The following TOX3 variants were observed in gnomAD, a reference collection of about 807,000 sequenced individuals.
The protein encoded by TOX3 is TOX high mobility group box family member 3.
In TOX3, 22 loss-of-function variants were observed where a neutral mutation model predicts 64.3. That is an observed-to-expected ratio of 0.34 (90% CI 0.24 to 0.49). The LOEUF (loss-of-function observed/expected upper bound fraction) is 0.49, where lower values mean the gene tolerates loss of function less well. Ranked by LOEUF, TOX3 falls within the 20% of genes least tolerant of loss-of-function variation. The pLI, the probability that TOX3 is intolerant of heterozygous loss-of-function variation, is 0.99. For synonymous variants in TOX3, 291 were observed against 273.6 expected, an observed-to-expected ratio of 1.06 and a Z score of -0.63; for missense variants, 661 against 714.4, an observed-to-expected ratio of 0.93 and a Z score of 0.85.
chr16:52,546,802 C>A lies in TOX3; in HGVS notation c.-79G>T. 7.3e-7 allele frequency: 1 copy of A among 1,361,250 alleles called. No individual in the cohort carries two copies. Among genetic ancestry groups the A allele is most frequent in the South Asian group, 1.7e-5 (1 of 57,328 alleles). 84.3% of individuals were successfully genotyped at this position (1,361,250 alleles called of 1,614,324 possible). On this transcript the variant is annotated 5_prime_UTR_variant, in exon 1 of 7. Transcript: ENST00000219746. ...ACCCGCCTCCTCGCCGCCGCTAGAT[C>A]CACCGTCGAGGGCGCCCGGGGGTGG...
chr16:52,524,139 G>C (rs1313314602), intron 1 of TOX3, among the ~76,000 whole-genome samples: 3 of 152,156 alleles, frequency 2.0e-5, no homozygotes, highest in Admixed American at 2.0e-4. Flanking sequence ...CCAGTGGAAT[G>C]TCACTGTGGA....
intron 4 of TOX3, 32 bp downstream of exon 4, chr16:52,450,245 G>T: frequency 1.2e-6 from 2 of 1,611,840 alleles, no homozygotes; most frequent in Non-Finnish European, 1.7e-6. Context: ...ATATTCTCTG[G>T]CAGGTTACAC....
At chr16:52,527,731 G>A (rs908581758) in intron 1 of TOX3, among the ~76,000 whole-genome samples, 25 of 152,074 alleles carry the variant, frequency 1.6e-4, no homozygotes, top group Non-Finnish European at 4.4e-5. Flanking sequence ...GCTCCATCAG[G>A]CCCTAGAGAA....
chr16:52,516,185 A>T (rs1434807668), intron 1 of TOX3, among the ~76,000 whole-genome samples: 9 of 152,324 alleles, frequency 5.9e-5, no homozygotes, highest in South Asian at 4.1e-4. Context: ...AAAATCAATC[A>T]AAGATTAACA....
intron 3 of TOX3, among the ~76,000 whole-genome samples, chr16:52,453,194 T>TC (rs1450734265): frequency 1.3e-5 from 2 of 151,642 alleles, no homozygotes; most frequent in East Asian, 3.9e-4. Context: ...AATGCTTTTT[T>TC]TTTTTTTTAG....
intron 2 of TOX3, among the ~76,000 whole-genome samples, chr16:52,465,295 T>A (rs1960827229): frequency 6.6e-6 from 1 of 151,572 alleles, no homozygotes; most frequent in Admixed American, 6.6e-5. Flanking sequence ...ATTACAGGAG[T>A]GAGCCACCGT....
chr16:52,445,618 G>A (rs78402450), intron 5 of TOX3: 10,323 of 175,614 alleles, frequency 0.059, 412 homozygotes, highest in Non-Finnish European at 0.088. Flanking sequence ...GGTTCAGAAA[G>A]ATGATCAATG....
intron 1 of TOX3, among the ~76,000 whole-genome samples, chr16:52,502,034 A>T (rs1305702789): frequency 6.6e-6 from 1 of 152,186 alleles, no homozygotes; most frequent in Non-Finnish European, 1.5e-5. Context: ...TGAGGGAAAA[A>T]GTGGCCGCGA....
At chr16:52,536,480 T>C (rs1239514568) in intron 1 of TOX3, among the ~76,000 whole-genome samples, 1 of 150,094 alleles carries the variant, frequency 6.7e-6, no homozygotes, top group Non-Finnish European at 1.5e-5. Context: ...AAAGCGAGGG[T>C]AGAGGGGAGG....
rs939329323 is a variant in TOX3 at position 52,436,918 on chromosome 16, A to G, written c.*2307T>C. 6.6e-5 allele frequency: 10 copies of G among 152,258 alleles called. No homozygotes were observed. The highest frequency in any genetic ancestry group is 2.4e-4 in the African/African-American group (10 of 41,480). 9.4% of individuals were successfully genotyped at this position (152,258 alleles called of 1,614,324 possible). On this transcript the variant is annotated 3_prime_UTR_variant, in exon 7 of 7. Coordinates refer to ENST00000219746, the MANE Select transcript of TOX3 (RefSeq NM_001080430.4). ...ACACAATTACTGTCACATGTAGTTTAGCAATTAATTTTGAAGACATCTGTC... is the reference window on the plus strand; with the variant it reads ...ACACAATTACTGTCACATGTAGTTTGGCAATTAATTTTGAAGACATCTGTC...
chr16:52,504,473 A>T (rs940871483), intron 1 of TOX3, among the ~76,000 whole-genome samples: 29 of 151,884 alleles, frequency 1.9e-4, no homozygotes, highest in Non-Finnish European at 3.1e-4. Context: ...TCTCAAAAAA[A>T]AAAAAAAAAA....
chr16:52,460,770 T>C (rs1645008666), intron 3 of TOX3, among the ~76,000 whole-genome samples: 1 of 152,082 alleles, frequency 6.6e-6, no homozygotes, highest in African/African-American at 2.4e-5. Context: ...AGCATAGAGA[T>C]AAATCGTTCA....
rs1159241381 is a variant in TOX3 at position 52,444,399 on chromosome 16, T to A, written c.907-43A>T. 8 of 1,474,982 alleles carry A rather than the reference T, an allele frequency of 5.4e-6. No homozygotes were observed. The Admixed American group carries it at 1.7e-4, about 31-fold the overall frequency. The allele number at this position is 1,474,982 out of a possible 1,614,324, so 91.4% of individuals were successfully genotyped here. On this transcript the variant is annotated intron_variant, in intron 5 of 6. Coordinates refer to ENST00000219746, the MANE Select transcript of TOX3 (RefSeq NM_001080430.4). ...TTAGCACCACCTTTAGCGTATAAAT[T>A]CTCAGCTATAAAATAGCTGCTGCAC...
At chr16:52,501,650 ACT>A (rs1044013747) in intron 1 of TOX3, among the ~76,000 whole-genome samples, 2 of 150,892 alleles carry the variant, frequency 1.3e-5, no homozygotes, top group Non-Finnish European at 2.9e-5. Context: ...ACAAAGCAAG[ACT>A]CTATCTCAAA....
intron 2 of TOX3, among the ~76,000 whole-genome samples, chr16:52,465,002 A>ATTATTT (rs1340719697): frequency 1.6e-5 from 1 of 61,034 alleles, no homozygotes. Context: ...GTCTTAATGC[A>ATTATTT]TTCTTTTTTT....
chr16:52,455,809 G>C (rs1960499647), intron 3 of TOX3, among the ~76,000 whole-genome samples: 1 of 152,152 alleles, frequency 6.6e-6, no homozygotes, highest in South Asian at 2.1e-4. Context: ...TGAAAAGGTG[G>C]ACAGGAAAGC....
intron 1 of TOX3, among the ~76,000 whole-genome samples, chr16:52,501,329 A>G (rs2151464682): frequency 6.6e-6 from 1 of 152,348 alleles, no homozygotes; most frequent in African/African-American, 2.4e-5. Context: ...CTGATGTATT[A>G]TGTGTATTTC....
chr16:52,457,675 A>T (rs191297122), intron 3 of TOX3, among the ~76,000 whole-genome samples: 14 of 152,342 alleles, frequency 9.2e-5, no homozygotes, highest in Admixed American at 2.6e-4. Context: ...TCTTATAGCA[A>T]TGTTAAAATT....
At chr16:52,466,268 G>A (rs1260228311) in intron 2 of TOX3, among the ~76,000 whole-genome samples, 1 of 152,082 alleles carries the variant, frequency 6.6e-6, no homozygotes, top group Admixed American at 6.5e-5. Context: ...TTTAAAAATG[G>A]TCAGGGTAAT....
Sources: allele counts gnomAD v4.1 joint callset (sites outside exome capture counted in the v4.1 genomes callset), GRCh38; gene constraint gnomAD v4.1.1; transcripts MANE v1.5; gene names NCBI Gene and HGNC (gene_info 2026-07-23, HGNC 2026-07-21).